Variants in SMAD3 observed in about 807,000 individuals in gnomAD.
SMAD3 encodes MAD homolog 3.
In SMAD3, 12 loss-of-function variants were observed where a neutral mutation model predicts 51.8. The observed-to-expected ratio is 0.23, with a 90% CI of 0.15 to 0.38. The LOEUF (loss-of-function observed/expected upper bound fraction) is 0.38, where lower values mean the gene tolerates loss of function less well. SMAD3 is among the 10% of genes least tolerant of loss of function. The pLI is 1.00. For synonymous variants in SMAD3, 238 were observed against 227.7 expected (o/e 1.05, Z -0.41); for missense variants, 294 against 565.6 (o/e 0.52, Z 4.87).
chr15:67,096,028 C>T (rs951453647), intron 1 of SMAD3, among the ~76,000 whole-genome samples: 5 of 152,162 alleles, frequency 3.3e-5, no homozygotes, highest in African/African-American at 1.2e-4. Context: ...GTCACATCTG[C>T]GACTGAGTAG....
At chr15:67,066,753 C>A (rs535398622) in intron 1 of SMAD3, among the ~76,000 whole-genome samples, 1 of 152,336 alleles carries the variant, frequency 6.6e-6, no homozygotes, top group African/African-American at 2.4e-5. Context: ...GCCTCCCGCC[C>A]CCGCGGCCCG....
chr15:67,147,500 C>T (rs1962010819), intron 1 of SMAD3, among the ~76,000 whole-genome samples: 1 of 152,114 alleles, frequency 6.6e-6, no homozygotes, highest in Non-Finnish European at 1.5e-5. Flanking sequence ...TGGGTAAATG[C>T]CATCCTTTCC....
At position 67,085,420 on chromosome 15, in the gene SMAD3, ACT is replaced by A. The variant is rs377061553; in HGVS notation, c.206+19063_206+19064del. Among the ~76,000 whole-genome samples the A allele has an allele frequency of 1.5e-4, 23 of 151,932 alleles. No homozygotes were observed. The East Asian group carries it at 4.2e-3, about 28-fold the overall frequency. On this transcript the variant is annotated intron_variant, in intron 1 of 8. Coordinates refer to ENST00000327367, the MANE Select transcript of SMAD3 (RefSeq NM_005902.4). ...TTTTAAAGTTTCTTCCACCTTAAAA[ACT>A]CTGATTCCTGCACTTGCATTCAAAG...
chr15:67,154,581 A>G (rs2140280977), intron 1 of SMAD3, among the ~76,000 whole-genome samples: 1 of 152,326 alleles, frequency 6.6e-6, no homozygotes, highest in South Asian at 2.1e-4. Context: ...ACCAAATGAA[A>G]AGAACAGGCT....
At chr15:67,119,341 G>A (rs1260720992) in intron 1 of SMAD3, among the ~76,000 whole-genome samples, 1 of 152,210 alleles carries the variant, frequency 6.6e-6, no homozygotes, top group Non-Finnish European at 1.5e-5. Flanking sequence ...CAGTCATGAT[G>A]GAGTGTTGGG....
rs1963357053 is a variant in SMAD3 at position 67,191,232 on chromosome 15, T to C, written c.*696T>C. The stretch of plus-strand genomic sequence containing the variant: ...AGCGCCACCTCTTTAAAAACTCACT[T>C]ACGTTTGTCCTTTTTCACTTTGAAA... On this transcript the variant is annotated 3_prime_UTR_variant, in exon 9 of 9. Transcript: ENST00000327367. The C allele has an allele frequency of 8.6e-6, 2 of 233,544 alleles. No homozygotes were observed. Among genetic ancestry groups the C allele is most frequent in the Non-Finnish European group, 8.5e-6 (1 of 118,268 alleles). 14.5% of individuals were successfully genotyped at this position (233,544 alleles called of 1,614,324 possible).
chr15:67,168,260 T>C (rs899719159), intron 4 of SMAD3, among the ~76,000 whole-genome samples: 3 of 152,224 alleles, frequency 2.0e-5, no homozygotes, highest in African/African-American at 7.2e-5. Context: ...GTGCAATTCC[T>C]GAGAGACCGA....
At chr15:67,147,332 C>A (rs1411811539) in intron 1 of SMAD3, among the ~76,000 whole-genome samples, 1 of 152,220 alleles carries the variant, frequency 6.6e-6, no homozygotes, top group Non-Finnish European at 1.5e-5. Context: ...CCACTCTGTT[C>A]TTTCTGCTCT....
chr15:67,150,423 A>C (rs1447315556), intron 1 of SMAD3, among the ~76,000 whole-genome samples: 1 of 152,236 alleles, frequency 6.6e-6, no homozygotes, highest in Non-Finnish European at 1.5e-5. Context: ...GCCAGTTATC[A>C]TCGCCTGGTT....
In SMAD3 at chr15:67,113,303, G is replaced by A. The variant is rs190728373; in HGVS notation, c.206+46943G>A. ...GACGAGGTTTCACCGTGTTAGCCAG[G>A]ATGGTCTCGATCTCTTGACCTCGTG... On this transcript the variant is annotated intron_variant, in intron 1 of 8. Coordinates refer to ENST00000327367, the MANE Select transcript of SMAD3 (RefSeq NM_005902.4). 3.0e-3 allele frequency among the ~76,000 whole-genome samples: 444 copies of A among 149,898 alleles called. 3 individuals carry two copies. Among genetic ancestry groups the A allele is most frequent in the African/African-American group, 0.011 (429 of 40,560 alleles).
chr15:67,096,508 A>G (rs1379946596), intron 1 of SMAD3, among the ~76,000 whole-genome samples: 1 of 152,264 alleles, frequency 6.6e-6, no homozygotes, highest in Non-Finnish European at 1.5e-5. Flanking sequence ...ATGCTAATTC[A>G]TGTAATTTAA....
chr15:67,117,583 G>C (rs1356226665), intron 1 of SMAD3, among the ~76,000 whole-genome samples: 2 of 152,066 alleles, frequency 1.3e-5, no homozygotes, highest in African/African-American at 4.8e-5. Flanking sequence ...GACTCTGGTG[G>C]GTGTGAGGAT....
intron 1 of SMAD3, chr15:67,098,862 G>A (rs1305230211): frequency 2.9e-6 from 2 of 701,438 alleles, no homozygotes; most frequent in Admixed American, 2.0e-5. Context: ...GACGGTGGGA[G>A]GGCATACATG....
intron 3 of SMAD3, chr15:67,166,491 AAGGACC>A (rs1186702116): frequency 5.0e-5 from 26 of 521,820 alleles, no homozygotes; most frequent in Middle Eastern, 5.3e-4. Context: ...CCTCACCTTG[AAGGACC>A]AGGATAAGTT....
Position 67,192,294 on chromosome 15 carries a change from GCCT to G in SMAD3, c.*1762_*1764del. Reference sequence around the variant, plus strand: ...TCCAGGTAGGACAGCTGCTCCCCAAGCCTCCTGAGGACACAGGAAGAGACGGAA... The same window carrying G: ...TCCAGGTAGGACAGCTGCTCCCCAAGCCTGAGGACACAGGAAGAGACGGAA... On this transcript the variant is annotated 3_prime_UTR_variant, in exon 9 of 9. Transcript: ENST00000327367. 1 of 232,950 alleles carries G rather than the reference GCCT, an allele frequency of 4.3e-6. No homozygotes were observed. Among genetic ancestry groups the G allele is most frequent in the East Asian group, 6.0e-5 (1 of 16,624 alleles). 14.4% of individuals were successfully genotyped at this position (232,950 alleles called of 1,614,324 possible).
At position 67,098,788 on chromosome 15, in the gene SMAD3, G is replaced by A. The variant is rs150828909; in HGVS notation, c.206+32428G>A. 6.5e-4 allele frequency: 437 copies of A among 671,106 alleles called. 4 individuals carry two copies. The African/African-American group carries it at 7.3e-3, about 11-fold the overall frequency. 41.6% of individuals were successfully genotyped at this position (671,106 alleles called of 1,614,324 possible). ...CGGAAGGCAGGTGGAAGTGGGCATGGAGGGTCCTACGCATCCCCAGCGGGG... is the reference window on the plus strand; with the variant it reads ...CGGAAGGCAGGTGGAAGTGGGCATGAAGGGTCCTACGCATCCCCAGCGGGG... On this transcript the variant is annotated intron_variant, in intron 1 of 8. Transcript: ENST00000327367.
intron 6 of SMAD3, among the ~76,000 whole-genome samples, chr15:67,182,996 AAAAAATATATATATATATAT>A (rs1963108271): frequency 1.8e-5 from 1 of 55,398 alleles, no homozygotes; most frequent in African/African-American, 8.2e-5. Flanking sequence ...TAAAAAAAAA[AAAAAATATATATATATATAT>A]ATATATATAT....
intron 1 of SMAD3, chr15:67,143,061 C>T (rs8024219): frequency 0.014 from 2,901 of 214,704 alleles, 84 homozygotes; most frequent in African/African-American, 0.061. Context: ...GCTTGAAATT[C>T]GGTGACCCAC....
intron 8 of SMAD3, 102 bp from the exon 9 acceptor site, chr15:67,190,311 G>A: frequency 9.0e-7 from 1 of 1,115,136 alleles, no homozygotes; most frequent in East Asian, 2.4e-5. Flanking sequence ...CAGCATCTTT[G>A]GGAAGATGAC....
Sources: allele counts gnomAD v4.1 joint callset (sites outside exome capture counted in the v4.1 genomes callset), GRCh38; gene constraint gnomAD v4.1.1; transcripts MANE v1.5; gene names NCBI Gene and HGNC (gene_info 2026-07-23, HGNC 2026-07-21).